FSHR: variants seen among roughly 807,000 people sequenced by gnomAD.
FSHR encodes the protein follicle-stimulating hormone receptor.
Under a neutral mutation model 52.1 loss-of-function variants are expected in FSHR, and 46 were observed. The observed-to-expected ratio is 0.88, with a 90% confidence interval of 0.70 to 1.13. The LOEUF (loss-of-function observed/expected upper bound fraction) is 1.13, where lower values mean the gene tolerates loss of function less well. Among genes scored for constraint, FSHR ranks in the 50% most tolerant of loss-of-function variants. The pLI, the probability that FSHR is intolerant of heterozygous loss-of-function variation, is 0.00. For missense variants in FSHR, 964 were observed against 834.6 expected (o/e 1.16, Z -1.91); for synonymous variants, 399 against 309.6 (o/e 1.29, Z -3.03).
intron 6 of FSHR, among the ~76,000 whole-genome samples, chr2:48,986,151 A>G (rs1675506064): frequency 6.6e-6 from 1 of 152,034 alleles, no homozygotes; most frequent in Non-Finnish European, 1.5e-5. Flanking sequence ...GGTAGGCCCC[A>G]TTGTCTGTTG....
rs183566669 is a variant in FSHR at position 49,046,355 on chromosome 2, T to C, written c.224+21864A>G. ...GGCTACACTTTTGCATTCATAAATA[T>C]CTCAGAATAGTAGATTAATGCATGA... On this transcript the variant is annotated intron_variant, in intron 2 of 9. Transcript: ENST00000406846. Among the ~76,000 whole-genome samples the C allele has an allele frequency of 2.8e-4, 42 of 152,336 alleles. 1 individual carries two copies. Among genetic ancestry groups the C allele is most frequent in the East Asian group, 9.6e-4 (5 of 5,190 alleles).
chr2:49,139,881 A>G (rs1310869593), intron 1 of FSHR, among the ~76,000 whole-genome samples: 1 of 152,140 alleles, frequency 6.6e-6, no homozygotes, highest in Non-Finnish European at 1.5e-5. Context: ...TACAGGCGTG[A>G]GCCACCGCAC....
chr2:49,134,100 G>A (rs1672398388), intron 1 of FSHR, among the ~76,000 whole-genome samples: 1 of 152,174 alleles, frequency 6.6e-6, no homozygotes. Context: ...CTTCTGCATA[G>A]CAAAAGAAAC....
chr2:49,068,419 T>A, intron 1 of FSHR, 129 bp from the exon 2 acceptor site: 1 of 765,744 alleles, frequency 1.3e-6, no homozygotes. Flanking sequence ...TGAAATTGCT[T>A]TTACATTCTC....
intron 1 of FSHR, among the ~76,000 whole-genome samples, chr2:49,093,073 A>C (rs1264939156): frequency 1.3e-5 from 2 of 152,222 alleles, no homozygotes; most frequent in Non-Finnish European, 2.9e-5. Flanking sequence ...CTTGCTAATA[A>C]GATTTCAGTG....
chr2:49,028,099 CA>C (rs1028421601), intron 2 of FSHR, among the ~76,000 whole-genome samples: 2 of 151,122 alleles, frequency 1.3e-5, no homozygotes, highest in Admixed American at 6.6e-5. Flanking sequence ...TTGGCAGAGG[CA>C]AAAAAAAGTG....
At chr2:49,059,726 A>C (rs547893183) in intron 2 of FSHR, 1 of 152,286 alleles carries the variant, frequency 6.6e-6, no homozygotes, top group Non-Finnish European at 1.5e-5. Context: ...ACATGGATCA[A>C]ATTCCTAAAT....
intron 2 of FSHR, among the ~76,000 whole-genome samples, chr2:49,060,344 A>C (rs535959952): frequency 3.3e-5 from 5 of 152,288 alleles, no homozygotes; most frequent in African/African-American, 9.6e-5. Context: ...CAAAAGGAAA[A>C]AAAAACAAAA....
Position 49,035,314 on chromosome 2 carries a change from A to G in FSHR, c.225-15154T>C, listed in dbSNP as rs114716406. Reference sequence around the variant, plus strand: ...TCTTACGTGCTTTATTTGATTTCACATTGCCTTTCATTTTCGAAGGGTCTC... The same window carrying G: ...TCTTACGTGCTTTATTTGATTTCACGTTGCCTTTCATTTTCGAAGGGTCTC... On this transcript the variant is annotated intron_variant, in intron 2 of 9. Coordinates refer to ENST00000406846, the MANE Select transcript of FSHR (RefSeq NM_000145.4). Among the ~76,000 whole-genome samples, 1,360 of 152,282 alleles carry G rather than the reference A, an allele frequency of 8.9e-3. 10 individuals are homozygous for G. Among genetic ancestry groups the G allele is most frequent in the Non-Finnish European group, 0.013 (914 of 67,992 alleles).
In FSHR at chr2:49,060,407, T is replaced by A. The variant is rs556606381; in HGVS notation, c.224+7812A>T. Among the ~76,000 whole-genome samples, 11 of 152,068 alleles carry A rather than the reference T, an allele frequency of 7.2e-5. No individual in the cohort carries two copies. In the South Asian group the frequency reaches 1.5e-3, roughly 20 times the overall value. ...TTACCTTGACCACTCAGAGAAGTCATGCCTCTCCAGTGCCTAAGTTGAAAC... is the reference window on the plus strand; with the variant it reads ...TTACCTTGACCACTCAGAGAAGTCAAGCCTCTCCAGTGCCTAAGTTGAAAC... On this transcript the variant is annotated intron_variant, in intron 2 of 9. Transcript: ENST00000406846.
chr2:49,100,857 C>T (rs983735183), intron 1 of FSHR, among the ~76,000 whole-genome samples: 3 of 152,058 alleles, frequency 2.0e-5, no homozygotes, highest in African/African-American at 7.2e-5. Flanking sequence ...AAAGCTGACC[C>T]AAAGGAAGGG....
In FSHR at chr2:49,127,898, C is replaced by CTT. The variant is rs766862227; in HGVS notation, c.152+26366_152+26367dup. 6.6e-4 allele frequency among the ~76,000 whole-genome samples: 18 copies of CTT among 27,232 alleles called. 4 individuals are homozygous for CTT. Among genetic ancestry groups the CTT allele is most frequent in the African/African-American group, 2.9e-3 (16 of 5,606 alleles). 17.9% of individuals were successfully genotyped at this position (27,232 alleles called of 152,430 possible). On this transcript the variant is annotated intron_variant, in intron 1 of 9. Coordinates refer to ENST00000406846, the MANE Select transcript of FSHR (RefSeq NM_000145.4). ...TCTTCTTCTTCTTCTTCTTCTTCTTCTTTTTTTTTTTTGAGACGGAGTCTT... is the reference window on the plus strand; with the variant it reads ...TCTTCTTCTTCTTCTTCTTCTTCTTCTTTTTTTTTTTTTTGAGACGGAGTCTT...
intron 1 of FSHR, among the ~76,000 whole-genome samples, chr2:49,130,268 T>G (rs1672215943): frequency 1.3e-5 from 2 of 152,166 alleles, no homozygotes; most frequent in South Asian, 4.1e-4. Context: ...TTAACATGGG[T>G]GAGCCCAGTT....
intron 2 of FSHR, among the ~76,000 whole-genome samples, chr2:49,021,568 T>TG (rs70946843): frequency 0.33 from 49,210 of 150,842 alleles, 8,862 homozygotes; most frequent in Non-Finnish European, 0.42. Context: ...AGAAGGCCCC[T>TG]GGGGGAGGGG....
At position 49,102,219 on chromosome 2, in the gene FSHR, T is replaced by A. The variant is rs377133500; in HGVS notation, c.153-33929A>T. On this transcript the variant is annotated intron_variant, in intron 1 of 9. Transcript: ENST00000406846. Reference sequence around the variant, plus strand: ...GTGCATTTCTACCAGCAGTGAATAGTGACCTGGGCATGAGGAGAAGAAGTT... The same window carrying A: ...GTGCATTTCTACCAGCAGTGAATAGAGACCTGGGCATGAGGAGAAGAAGTT... 3.9e-5 allele frequency among the ~76,000 whole-genome samples: 6 copies of A among 152,296 alleles called. No homozygotes were observed. In the East Asian group the frequency reaches 7.7e-4, roughly 20 times the overall value.
intron 1 of FSHR, among the ~76,000 whole-genome samples, chr2:49,097,941 C>T (rs898638456): frequency 6.8e-6 from 1 of 146,102 alleles, no homozygotes. Flanking sequence ...TACTCTCTGC[C>T]CAAATTTTTA....
In FSHR at chr2:49,087,070, GTTTTTT is replaced by G. The variant is rs56890721; in HGVS notation, c.153-18786_153-18781del. ...GTAGTTGAGGGACCCTGTGGGCAGGGTTTTTTTTTTTTTTTTTTTTTTTTTTTTACA... is the reference window on the plus strand; with the variant it reads ...GTAGTTGAGGGACCCTGTGGGCAGGGTTTTTTTTTTTTTTTTTTTTTTACA... On this transcript the variant is annotated intron_variant, in intron 1 of 9. Transcript: ENST00000406846. Among the ~76,000 whole-genome samples, 49 of 86,732 alleles carry G rather than the reference GTTTTTT, an allele frequency of 5.6e-4. 1 individual carries two copies. Among genetic ancestry groups the G allele is most frequent in the Admixed American group, 3.0e-3 (18 of 5,972 alleles). The allele number at this position is 86,732 out of a possible 152,430, so 56.9% of individuals were successfully genotyped here.
intron 2 of FSHR, among the ~76,000 whole-genome samples, chr2:49,021,615 T>C (rs886844761): frequency 6.6e-6 from 1 of 151,754 alleles, no homozygotes; most frequent in Non-Finnish European, 1.5e-5. Context: ...TGCTGGTGCA[T>C]CTGTGACTGG....
intron 4 of FSHR, among the ~76,000 whole-genome samples, chr2:49,012,207 A>C (rs1017683471): frequency 6.6e-6 from 1 of 152,184 alleles, no homozygotes; most frequent in African/African-American, 2.4e-5. Flanking sequence ...TTACTTTAAC[A>C]GGATGCAAAG....
Sources: allele counts gnomAD v4.1 joint callset (sites outside exome capture counted in the v4.1 genomes callset), GRCh38; gene constraint gnomAD v4.1.1; transcripts MANE v1.5; gene names NCBI Gene and HGNC (gene_info 2026-07-23, HGNC 2026-07-21).